The following CNKSR2 variants were observed in gnomAD, a reference collection of about 807,000 sequenced individuals.
The protein encoded by CNKSR2 is connector enhancer of kinase suppressor of Ras 2.
A neutral mutation model predicts 84.4 loss-of-function variants in CNKSR2; 14 were observed. That is an observed-to-expected ratio of 0.17 (90% CI 0.11 to 0.26). The LOEUF (loss-of-function observed/expected upper bound fraction) is 0.26, where lower values mean the gene tolerates loss of function less well. Ranked by LOEUF, CNKSR2 falls within the 10% of genes least tolerant of loss-of-function variation. The probability of loss-of-function intolerance (pLI) is 1.00; values close to 1 mark genes in which losing one functional copy is unlikely to be tolerated. For synonymous variants in CNKSR2, 275 were observed against 277.9 expected, an observed-to-expected ratio of 0.99 and a Z score of 0.10; for missense variants, 485 against 771.2, an observed-to-expected ratio of 0.63 and a Z score of 4.40.
At chrX:21,539,395 G>T (rs977115624) in intron 11 of CNKSR2, among the ~76,000 whole-genome samples, 12 of 111,438 alleles carry the variant, frequency 1.1e-4, no homozygotes, top group African/African-American at 3.9e-4. Flanking sequence ...TTCTCATTCA[G>T]ATCATGAATT....
In CNKSR2 at chrX:21,599,385, A is replaced by T. The variant is rs113258277; in HGVS notation, c.1977-1897A>T. 6.7e-3 allele frequency among the ~76,000 whole-genome samples: 557 copies of T among 83,155 alleles called. 5 individuals carry two copies. The highest frequency in any genetic ancestry group is 0.025 in the African/African-American group (454 of 17,808). The allele number at this position is 83,155 out of a possible 115,157, so 72.2% of individuals were successfully genotyped here. ...GTGTGTGTGTGTGTGTGTGTGTGTG[A>T]GATGGAGTCTCGCTCTGTCACCCAG... On this transcript the variant is annotated intron_variant, in intron 17 of 21. Coordinates refer to ENST00000379510, the MANE Select transcript of CNKSR2 (RefSeq NM_014927.5).
At chrX:21,614,091 A>T (rs1487262350) in intron 20 of CNKSR2, among the ~76,000 whole-genome samples, 1 of 111,818 alleles carries the variant, frequency 8.9e-6, no homozygotes, top group Non-Finnish European at 1.9e-5. Context: ...GCCACTCAGT[A>T]GCCTAAAATC....
intron 6 of CNKSR2, chrX:21,490,788 T>C (rs2091434554): frequency 3.7e-6 from 1 of 268,827 alleles, no homozygotes; most frequent in South Asian, 1.1e-4. Flanking sequence ...GAATTGAAAA[T>C]GGTGACTTCT....
At chrX:21,445,167 T>G (rs980821721) in intron 4 of CNKSR2, among the ~76,000 whole-genome samples, 1 of 111,469 alleles carries the variant, frequency 9.0e-6, no homozygotes. Context: ...GAAAATTATA[T>G]TGGGGCTCTT....
At chrX:21,646,568 G>C (rs1269363959) in intron 20 of CNKSR2, among the ~76,000 whole-genome samples, 1 of 111,241 alleles carries the variant, frequency 9.0e-6, no homozygotes, top group African/African-American at 3.3e-5. Context: ...TACAATGTTA[G>C]GTAATATGGA....
chrX:21,550,501 C>T (rs2092076984), intron 11 of CNKSR2, among the ~76,000 whole-genome samples: 1 of 112,187 alleles, frequency 8.9e-6, no homozygotes, highest in Non-Finnish European at 1.9e-5. Context: ...TTGTGGAAGA[C>T]AGTGTGGCAA....
intron 1 of CNKSR2, chrX:21,424,632 A>G (rs907704013): frequency 1.8e-5 from 2 of 111,685 alleles, no homozygotes; most frequent in African/African-American, 6.5e-5. Flanking sequence ...CCTCTTGTAT[A>G]CTTTAAGTCA....
chrX:21,572,077 T>C (rs1021265862), intron 13 of CNKSR2, among the ~76,000 whole-genome samples: 2 of 112,504 alleles, frequency 1.8e-5, no homozygotes, highest in Non-Finnish European at 3.8e-5. Flanking sequence ...GTATATTCTC[T>C]GATTCCTATG....
At chrX:21,392,622 C>G (rs937573018) in intron 1 of CNKSR2, among the ~76,000 whole-genome samples, 1 of 111,591 alleles carries the variant, frequency 9.0e-6, no homozygotes, top group East Asian at 2.8e-4. Context: ...CAGGCCCCTC[C>G]TCCAACACTG....
rs1355466963 is a variant in CNKSR2 at position 21,582,284 on chromosome X, G to T, written c.1609-8288G>T. ...CATGAAAATTAGAGATTGATGAGAT[G>T]TTATTGGTTTGAATTATCTCCATTG... On this transcript the variant is annotated intron_variant, in intron 13 of 21. Transcript: ENST00000379510. 1.8e-5 allele frequency among the ~76,000 whole-genome samples: 2 copies of T among 112,078 alleles called. 1 individual carries two copies. Among genetic ancestry groups the T allele is most frequent in the Non-Finnish European group, 3.8e-5 (2 of 53,182 alleles).
intron 14 of CNKSR2, 33 bp downstream of exon 14, chrX:21,590,653 A>G (rs1346569238): frequency 1.7e-6 from 2 of 1,178,466 alleles, no homozygotes; most frequent in South Asian, 1.8e-5. Flanking sequence ...TTACCTGCTT[A>G]TTTTGCTCTT....
chrX:21,595,517 C>T, intron 17 of CNKSR2, 122 bp downstream of exon 17: 2 of 395,364 alleles, frequency 5.1e-6, no homozygotes, highest in East Asian at 8.3e-5. Context: ...TAAAATAGAC[C>T]CAGAATAGCT....
At chrX:21,444,355 T>A (rs770077205) in intron 4 of CNKSR2, among the ~76,000 whole-genome samples, 27 of 111,733 alleles carry the variant, frequency 2.4e-4, no homozygotes, top group Admixed American at 2.9e-4. Context: ...AGTTGACATT[T>A]CATATCATTT....
In CNKSR2 at chrX:21,391,521, G is replaced by A. The variant is rs149991407; in HGVS notation, c.64+16560G>A. 1.6e-3 allele frequency among the ~76,000 whole-genome samples: 185 copies of A among 112,138 alleles called. 1 individual carries two copies. Among genetic ancestry groups the A allele is most frequent in the Non-Finnish European group, 2.9e-3 (152 of 53,178 alleles). On this transcript the variant is annotated intron_variant, in intron 1 of 21. Coordinates refer to ENST00000379510, the MANE Select transcript of CNKSR2 (RefSeq NM_014927.5). Reference sequence around the variant, plus strand: ...ATCTGGGGTCCTTTTAGCCGCAGCTGGAGCTGGAGTGGCTGGGGACACAGA... The same window carrying A: ...ATCTGGGGTCCTTTTAGCCGCAGCTAGAGCTGGAGTGGCTGGGGACACAGA...
At chrX:21,563,566 G>A (rs774484228) in intron 13 of CNKSR2, 114 bp downstream of exon 13, 21 of 549,887 alleles carry the variant, frequency 3.8e-5, no homozygotes, top group East Asian at 3.3e-4. Flanking sequence ...TCACAAAAGA[G>A]CCTAACTTTA....
chrX:21,387,515 G>T (rs2089986047), intron 1 of CNKSR2, among the ~76,000 whole-genome samples: 1 of 111,586 alleles, frequency 9.0e-6, no homozygotes, highest in South Asian at 3.8e-4. Flanking sequence ...AAATACAGCA[G>T]AATAGCTGAG....
At chrX:21,418,641 C>T (rs778923844) in intron 1 of CNKSR2, among the ~76,000 whole-genome samples, 4 of 110,987 alleles carry the variant, frequency 3.6e-5, no homozygotes, top group African/African-American at 9.8e-5. Context: ...AGTTTTCCAC[C>T]GAAAACTCTG....
chrX:21,599,256 T>A (rs1445087935), intron 17 of CNKSR2, among the ~76,000 whole-genome samples: 1 of 111,877 alleles, frequency 8.9e-6, no homozygotes, highest in Non-Finnish European at 1.9e-5. Context: ...AAGCCCCTTT[T>A]TAGTTTCCTA....
intron 19 of CNKSR2, among the ~76,000 whole-genome samples, chrX:21,608,425 A>G (rs982009449): frequency 9.0e-6 from 1 of 111,684 alleles, no homozygotes; most frequent in African/African-American, 3.3e-5. Context: ...TTTAAATTCC[A>G]GGGATAAAAA....
Sources: gnomAD v4.1 joint callset for allele counts (sites outside exome capture counted in the v4.1 genomes callset) on GRCh38, gnomAD v4.1.1 for gene constraint, MANE v1.5 for transcripts, NCBI Gene and HGNC (gene_info 2026-07-23, HGNC 2026-07-21) for gene names.